Variants in SF1 observed in about 807,000 individuals in gnomAD.
SF1 encodes splicing factor 1.
In SF1, 7 loss-of-function variants were observed where a neutral mutation model predicts 62.5. The ratio of observed to expected loss-of-function variants is 0.11; its 90% confidence interval spans 0.06 to 0.21. The LOEUF (loss-of-function observed/expected upper bound fraction) is 0.21. Among genes scored for constraint, SF1 ranks in the 10% least tolerant of loss-of-function variants. The pLI is 1.00. For synonymous variants in SF1, 394 were observed against 323.6 expected, an observed-to-expected ratio of 1.22 and a Z score of -2.33; for missense variants, 578 against 884.0, an observed-to-expected ratio of 0.65 and a Z score of 4.39.
At chr11:64,776,385 T>A in intron 2 of SF1, 113 bp downstream of exon 2, 1 of 1,151,344 alleles carries the variant, frequency 8.7e-7, no homozygotes. Flanking sequence ...GTCGTGAAAG[T>A]ATCTCATCTC....
Position 64,775,333 on chromosome 11 carries a change from C to T in SF1, c.160+1165G>A, listed in dbSNP as rs147621107. On this transcript the variant is annotated intron_variant, in intron 2 of 12. Transcript: ENST00000377390. ...GAGATATAAAGAATTTGTGCTCTTCCCATCTTCTAAGTATGCTTGTGTTCT... is the reference window on the plus strand; with the variant it reads ...GAGATATAAAGAATTTGTGCTCTTCTCATCTTCTAAGTATGCTTGTGTTCT... Among the ~76,000 whole-genome samples the T allele has an allele frequency of 9.9e-5, 15 of 152,258 alleles. No individual in the cohort carries two copies. In the East Asian group the frequency reaches 2.9e-3, roughly 29 times the overall value.
chr11:64,777,293 C>T (rs1939444673), intron 1 of SF1, among the ~76,000 whole-genome samples: 1 of 152,164 alleles, frequency 6.6e-6, no homozygotes, highest in Non-Finnish European at 1.5e-5. Flanking sequence ...GGCAGAAACT[C>T]CCTACATTTG....
At position 64,765,780 on chromosome 11, in the gene SF1, C is replaced by A. The variant is rs769681681; in HGVS notation, c.*38G>T. The A allele has an allele frequency of 6.7e-7, 1 of 1,499,390 alleles. No individual in the cohort carries two copies. The highest frequency in any genetic ancestry group is 1.3e-5 in the South Asian group (1 of 76,460). The allele number at this position is 1,499,390 out of a possible 1,614,324, so 92.9% of individuals were successfully genotyped here. On this transcript the variant is annotated 3_prime_UTR_variant, in exon 13 of 13. Transcript: ENST00000377390. ...TCGGCGTGTTTAAACGAGACCAATT[C>A]TCTCTATATATAATATATATTTTCT...
Position 64,764,792 on chromosome 11 carries a change from G to C in SF1, c.*1026C>G, listed in dbSNP as rs2058528584. 6.6e-6 allele frequency: 1 copy of C among 152,508 alleles called. No individual in the cohort carries two copies. Among genetic ancestry groups the C allele is most frequent in the African/African-American group, 2.4e-5 (1 of 41,412 alleles). 9.4% of individuals were successfully genotyped at this position (152,508 alleles called of 1,614,324 possible). Reference sequence around the variant, plus strand: ...AGCGGGAGGAAAAAGGAAGGAGAATGAACAAGGGGCTCAAACCCCTACACA... The same window carrying C: ...AGCGGGAGGAAAAAGGAAGGAGAATCAACAAGGGGCTCAAACCCCTACACA... On this transcript the variant is annotated 3_prime_UTR_variant, in exon 13 of 13. Transcript: ENST00000377390.
chr11:64,765,546 A>G lies in SF1; in HGVS notation c.*272T>C. The G allele has an allele frequency of 6.3e-7, 1 of 1,598,204 alleles. No homozygotes were observed. Among genetic ancestry groups the G allele is most frequent in the East Asian group, 2.3e-5 (1 of 44,270 alleles). The stretch of plus-strand genomic sequence containing the variant: ...GGCGGCCCGGTTTGGGGAGAGGCAA[A>G]GGGAGTTGGGTGAGGAGAGAAAGAA... On this transcript the variant is annotated 3_prime_UTR_variant, in exon 13 of 13. Coordinates refer to ENST00000377390, the MANE Select transcript of SF1 (RefSeq NM_004630.4).
chr11:64,772,991 G>A, intron 3 of SF1: 2 of 996,316 alleles, frequency 2.0e-6, no homozygotes. Flanking sequence ...CTGCAGCAAT[G>A]AGCTGACCAG....
intron 1 of SF1, chr11:64,777,416 T>TA: frequency 3.7e-6 from 3 of 807,238 alleles, no homozygotes; most frequent in Non-Finnish European, 4.5e-6. Flanking sequence ...CTGAACAGAT[T>TA]TAAAAAAAAA....
At chr11:64,778,072 G>A (rs979041722) in intron 1 of SF1, 2 of 985,812 alleles carry the variant, frequency 2.0e-6, no homozygotes, top group Non-Finnish European at 2.4e-6. Flanking sequence ...CGCGCTGGTA[G>A]AGCGGCGGCG....
intron 3 of SF1, 85 bp downstream of exon 3, chr11:64,773,345 A>G: frequency 6.4e-7 from 1 of 1,553,614 alleles, no homozygotes; most frequent in Non-Finnish European, 8.7e-7. Flanking sequence ...ATTTTATTGA[A>G]CTGACACAAT....
intron 9 of SF1, 80 bp from the exon 10 acceptor site, chr11:64,767,924 C>T (rs1439724314): frequency 1.0e-5 from 16 of 1,544,992 alleles, no homozygotes; most frequent in Middle Eastern, 1.7e-4. Context: ...TGACACAGGA[C>T]CAGAACACAA....
rs1189397049 is a variant in SF1 at position 64,767,005 on chromosome 11, G to A, written c.1477C>T (p.Pro493Ser). 5.2e-6 allele frequency: 8 copies of A among 1,532,618 alleles called. No homozygotes were observed. The highest frequency in any genetic ancestry group is 2.1e-5 in the Admixed American group (1 of 48,182). The allele number at this position is 1,532,618 out of a possible 1,614,324, so 94.9% of individuals were successfully genotyped here. The change falls in exon 12 of 13, where the codon CCC becomes TCC. Residue 493 changes from proline (P) to serine (S), a missense_variant. Physicochemically the swap from Pro to Ser is moderately conservative, Grantham distance 74. This residue lies in a region of SF1 where 410 missense variants were observed against 452.4 expected (regional missense o/e 0.91). Coordinates refer to ENST00000377390, the MANE Select transcript of SF1 (RefSeq NM_004630.4). ...TGCCATGGGGGAAGAGGACCAGAGG[G>A]AGGGGGTGGGGGCTGCCCACTGGGA... is the stretch of plus-strand genomic sequence containing the variant. ...PPPSGQPPPPPSGPLPPWQQQ... is the reference protein window; with the variant it reads ...PPPSGQPPPPSSGPLPPWQQQ...
At chr11:64,777,861 C>T (rs1322941776) in intron 1 of SF1, 2 of 937,568 alleles carry the variant, frequency 2.1e-6, no homozygotes, top group South Asian at 4.9e-5. Flanking sequence ...GGCGCCTCCG[C>T]CCGGGCCTCC....
rs778190256 is a variant in SF1 at position 64,766,127 on chromosome 11, G to A, written c.1611C>T (p.Gly537=). 4 of 1,608,560 alleles carry A rather than the reference G, an allele frequency of 2.5e-6. No individual in the cohort carries two copies. In the South Asian group the frequency reaches 3.3e-5, roughly 13 times the overall value. ...QNTTTTTTSA[G]TGSIPPWQQQ... is the part of the protein sequence containing the mutation. Reference sequence around the variant, plus strand: ...GTTGCCATGGCGGGATGGACCCTGTGCCAGCGCTCGTGGTGGTAGTCGTCG... The same window carrying A: ...GTTGCCATGGCGGGATGGACCCTGTACCAGCGCTCGTGGTGGTAGTCGTCG... The change falls in exon 13 of 13, where the codon GGC becomes GGT. Residue 537 remains glycine, a synonymous_variant. Coordinates refer to ENST00000377390, the MANE Select transcript of SF1 (RefSeq NM_004630.4).
chr11:64,771,722 A>T (rs1038945812), intron 3 of SF1: 4 of 985,268 alleles, frequency 4.1e-6, no homozygotes, highest in Non-Finnish European at 4.8e-6. Flanking sequence ...TTATACATTT[A>T]AGTCTACAAG....
At position 64,766,164 on chromosome 11, in the gene SF1, G is replaced by T; in HGVS notation, c.1583-9C>A. 1 of 1,602,124 alleles carries T rather than the reference G, an allele frequency of 6.2e-7. No homozygotes were observed. The highest frequency in any genetic ancestry group is 8.5e-7 in the Non-Finnish European group (1 of 1,179,364). ...GGTGGTAGTCGTCGTATCTGGGGTG[G>T]TAAAGAAGCCCAAGGTCACACGCGC... On this transcript the variant is annotated splice_polypyrimidine_tract_variant and intron_variant, in intron 12 of 12. Coordinates refer to ENST00000377390, the MANE Select transcript of SF1 (RefSeq NM_004630.4).
chr11:64,778,046 G>A (rs1939657323), intron 1 of SF1: 4 of 1,011,638 alleles, frequency 4.0e-6, no homozygotes, highest in South Asian at 4.5e-5. Flanking sequence ...GGGTGGCGGC[G>A]GCTGCGGCGG....
At chr11:64,772,732 TTC>T in intron 3 of SF1, 1 of 985,394 alleles carries the variant, frequency 1.0e-6, no homozygotes, top group Non-Finnish European at 1.2e-6. Context: ...CAATTTATTT[TTC>T]TGAGGTGAGA....
chr11:64,768,093 C>A lies in SF1; in HGVS notation c.1068+13G>T. ...GGGGAAGCCAGACCAAGAGAGCCAGCCCCCAGGCTCACCGGTGGAGGTGGG... is the reference window on the plus strand; with the variant it reads ...GGGGAAGCCAGACCAAGAGAGCCAGACCCCAGGCTCACCGGTGGAGGTGGG... On this transcript the variant is annotated intron_variant, in intron 9 of 12. Transcript: ENST00000377390. The A allele has an allele frequency of 6.2e-7, 1 of 1,603,504 alleles. No homozygotes were observed. The highest frequency in any genetic ancestry group is 1.1e-5 in the South Asian group (1 of 90,040).
intron 1 of SF1, chr11:64,777,417 TAAAA>T (rs1056586111): frequency 3.0e-6 from 2 of 664,958 alleles, no homozygotes; most frequent in Non-Finnish European, 3.7e-6. Flanking sequence ...TGAACAGATT[TAAAA>T]AAAAAAACAA....
Sources: gnomAD v4.1 joint callset for allele counts (sites outside exome capture counted in the v4.1 genomes callset) on GRCh38, gnomAD v4.1.1 for gene constraint, gnomAD v4.1.1 regional missense constraint, MANE v1.5 for transcripts, NCBI Gene and HGNC (gene_info 2026-07-23, HGNC 2026-07-21) for gene names.